SOBP: variants seen among roughly 807,000 people sequenced by gnomAD.
SOBP encodes the protein sine oculis binding protein homolog.
Under a neutral mutation model 53.6 loss-of-function variants are expected in SOBP, and 4 were observed. That is an observed-to-expected ratio of 0.07 (90% confidence interval 0.04 to 0.17). The LOEUF (loss-of-function observed/expected upper bound fraction) is 0.17, where lower values mean the gene tolerates loss of function less well. Ranked by LOEUF, SOBP falls within the 10% of genes least tolerant of loss-of-function variation. The probability of loss-of-function intolerance (pLI) is 1.00; values close to 1 mark genes in which losing one functional copy is unlikely to be tolerated. For synonymous variants in SOBP, 584 were observed against 522.6 expected (o/e 1.12, Z -1.60); for missense variants, 1,088 against 1,204.7 (o/e 0.90, Z 1.43).
intron 5 of SOBP, among the ~76,000 whole-genome samples, chr6:107,606,202 A>G (rs898527576): frequency 4.0e-5 from 6 of 149,704 alleles, no homozygotes; most frequent in African/African-American, 1.5e-4. Context: ...TCAGCCTTCC[A>G]AGTAGCTGGG....
chr6:107,621,881 G>A (rs991510376), intron 5 of SOBP, among the ~76,000 whole-genome samples: 2 of 152,120 alleles, frequency 1.3e-5, no homozygotes, highest in African/African-American at 2.4e-5. Context: ...AGAATTTGGG[G>A]GTCAAGTGTT....
At chr6:107,653,210 A>G (rs754136910) in intron 6 of SOBP, among the ~76,000 whole-genome samples, 8 of 152,220 alleles carry the variant, frequency 5.3e-5, no homozygotes, top group Non-Finnish European at 1.2e-4. Context: ...TGTTTTGGTA[A>G]AAACCTTCCT....
At chr6:107,644,738 T>C (rs1771482965) in intron 6 of SOBP, among the ~76,000 whole-genome samples, 1 of 152,184 alleles carries the variant, frequency 6.6e-6, no homozygotes, top group Non-Finnish European at 1.5e-5. Context: ...ATGAGTTAAG[T>C]GTAAATGAGT....
chr6:107,653,767 A>C lies in SOBP; in HGVS notation c.*4-4440A>C, dbSNP rs12664451. ...GCCACCACAGAAGAGCTAGTTTGGA[A>C]ATGTTGGGATGTAGAATAAGACAGA... On this transcript the variant is annotated intron_variant, in intron 6 of 6. Coordinates refer to ENST00000317357, the MANE Select transcript of SOBP (RefSeq NM_018013.4). Among the ~76,000 whole-genome samples, 1,375 of 152,320 alleles carry C rather than the reference A, an allele frequency of 9.0e-3. 20 individuals are homozygous for C. Among genetic ancestry groups the C allele is most frequent in the East Asian group, 0.043 (224 of 5,180 alleles).
At chr6:107,627,213 C>T (rs534182589) in intron 5 of SOBP, among the ~76,000 whole-genome samples, 10 of 152,124 alleles carry the variant, frequency 6.6e-5, no homozygotes, top group Non-Finnish European at 1.3e-4. Flanking sequence ...AGAGAAAAAT[C>T]GTCTTCTGAA....
chr6:107,566,547 T>C (rs1784921969), intron 4 of SOBP, among the ~76,000 whole-genome samples: 1 of 152,264 alleles, frequency 6.6e-6, no homozygotes, highest in South Asian at 2.1e-4. Flanking sequence ...AGCTTTGGGC[T>C]TGGCTTCTCT....
At position 107,620,662 on chromosome 6, in the gene SOBP, A is replaced by G. The variant is rs538014521; in HGVS notation, c.670-12852A>G. ...CCACTTTTGGAACATGCCAATCTGT[A>G]TCAAAGGCATGCCTTGATACAGCAG... is the stretch of plus-strand genomic sequence containing the variant. On this transcript the variant is annotated intron_variant, in intron 5 of 6. Coordinates refer to ENST00000317357, the MANE Select transcript of SOBP (RefSeq NM_018013.4). 3.9e-5 allele frequency among the ~76,000 whole-genome samples: 6 copies of G among 152,302 alleles called. No homozygotes were observed. The South Asian group carries it at 1.2e-3, about 32-fold the overall frequency.
chr6:107,646,783 G>A (rs1198980779), intron 6 of SOBP, among the ~76,000 whole-genome samples: 1 of 152,220 alleles, frequency 6.6e-6, no homozygotes, highest in Admixed American at 6.5e-5. Context: ...GCTCCTGGTG[G>A]TGAAGGAAGG....
Position 107,502,167 on chromosome 6 carries a change from C to T in SOBP, c.97-1490C>T, listed in dbSNP as rs577038690. 1.3e-4 allele frequency among the ~76,000 whole-genome samples: 20 copies of T among 152,176 alleles called. No homozygotes were observed. In the South Asian group the frequency reaches 3.9e-3, roughly 30 times the overall value. ...TGCTACCCCTGCTGAAATTTAAAGTCGTGAAATTCAAGAAAACACGGAACT... is the reference window on the plus strand; with the variant it reads ...TGCTACCCCTGCTGAAATTTAAAGTTGTGAAATTCAAGAAAACACGGAACT... On this transcript the variant is annotated intron_variant, in intron 1 of 6. Transcript: ENST00000317357.
intron 6 of SOBP, among the ~76,000 whole-genome samples, chr6:107,643,271 C>T (rs1456446113): frequency 1.3e-5 from 2 of 152,146 alleles, no homozygotes; most frequent in Non-Finnish European, 2.9e-5. Flanking sequence ...AGCTCTGCAT[C>T]CCATCAACAA....
intron 3 of SOBP, among the ~76,000 whole-genome samples, chr6:107,519,235 T>A (rs1026639914): frequency 1.3e-5 from 2 of 148,380 alleles, no homozygotes; most frequent in African/African-American, 2.5e-5. Context: ...CATTTTTGAT[T>A]GTCACAGCTA....
At chr6:107,612,412 G>A (rs1786631878) in intron 5 of SOBP, among the ~76,000 whole-genome samples, 1 of 152,206 alleles carries the variant, frequency 6.6e-6, no homozygotes, top group South Asian at 2.1e-4. Flanking sequence ...GATGAGAAGA[G>A]AGTTTGAAGG....
intron 5 of SOBP, among the ~76,000 whole-genome samples, chr6:107,596,273 C>CT (rs148829731): frequency 0.016 from 2,344 of 148,442 alleles, 57 homozygotes; most frequent in African/African-American, 0.055. Flanking sequence ...TTGCCAGTGG[C>CT]TTTTTTTTTT....
At chr6:107,597,714 T>A (rs1785997940) in intron 5 of SOBP, among the ~76,000 whole-genome samples, 1 of 152,236 alleles carries the variant, frequency 6.6e-6, no homozygotes, top group South Asian at 2.1e-4. Context: ...TTTTAAACAA[T>A]GTTCTGACTG....
At position 107,548,986 on chromosome 6, in the gene SOBP, G is replaced by A. The variant is rs138649160; in HGVS notation, c.573+15376G>A. 8.1e-3 allele frequency among the ~76,000 whole-genome samples: 1,236 copies of A among 152,062 alleles called. 71 individuals carry two copies. In the East Asian group the frequency reaches 0.16, roughly 20 times the overall value. ...AAATTGAATTAAAAACAGATAAACC[G>A]GCCGGGCGCAGTGGCTCAAGCCTGT... On this transcript the variant is annotated intron_variant, in intron 4 of 6. Transcript: ENST00000317357.
intron 6 of SOBP, among the ~76,000 whole-genome samples, chr6:107,655,527 C>G (rs1395282705): frequency 1.3e-5 from 2 of 152,178 alleles, no homozygotes; most frequent in African/African-American, 4.8e-5. Context: ...GTCTACTTTA[C>G]CATTCTCTTA....
intron 4 of SOBP, among the ~76,000 whole-genome samples, chr6:107,564,962 C>A (rs1784874528): frequency 6.6e-6 from 1 of 152,242 alleles, no homozygotes; most frequent in African/African-American, 2.4e-5. Context: ...AACAGCATCA[C>A]TGCCTGAAAG....
At chr6:107,640,354 CTT>C (rs778529353) in intron 6 of SOBP, among the ~76,000 whole-genome samples, 2 of 152,196 alleles carry the variant, frequency 1.3e-5, no homozygotes, top group Non-Finnish European at 2.9e-5. Flanking sequence ...CTGTGTCAGA[CTT>C]GTGCTATCTA....
intron 4 of SOBP, among the ~76,000 whole-genome samples, chr6:107,541,298 A>G (rs1784140533): frequency 6.6e-6 from 1 of 152,214 alleles, no homozygotes; most frequent in Non-Finnish European, 1.5e-5. Flanking sequence ...TTTATGAGAG[A>G]GCTTTGGAGG....
Sources: allele counts gnomAD v4.1 joint callset (sites outside exome capture counted in the v4.1 genomes callset), GRCh38; gene constraint gnomAD v4.1.1; transcripts MANE v1.5; gene names NCBI Gene and HGNC (gene_info 2026-07-23, HGNC 2026-07-21).